Variants in ARRB1 observed in about 807,000 individuals in gnomAD.
ARRB1 encodes beta-arrestin-1.
A neutral mutation model predicts 56.8 loss-of-function variants in ARRB1; 21 were observed. The ratio of observed to expected loss-of-function variants is 0.37; its 90% confidence interval spans 0.26 to 0.53. The LOEUF (loss-of-function observed/expected upper bound fraction) is 0.53. ARRB1 is among the 20% of genes least tolerant of loss of function. The pLI is 0.88. For synonymous variants in ARRB1, 210 were observed against 218.6 expected, an observed-to-expected ratio of 0.96 and a Z score of 0.35; for missense variants, 424 against 553.7, an observed-to-expected ratio of 0.77 and a Z score of 2.35.
At position 75,277,376 on chromosome 11, in the gene ARRB1, T is replaced by C; in HGVS notation, c.691A>G (p.Ile231Val). The stretch of plus-strand genomic sequence containing the variant: ...CTGTCTGGGATACCTGAGATCTTGA[T>C]CTTCTTCACCGTCTTGTTGGTGTTG... ...TNNTNKTVKKIKISVRQYADI... is the reference protein window; with the variant it reads ...TNNTNKTVKKVKISVRQYADI... The change falls in exon 9 of 16, where the codon ATC becomes GTC. Residue 231 changes from isoleucine (I) to valine (V), a missense_variant. By Grantham distance (29) the Ile-to-Val change is conservative. Coordinates refer to ENST00000420843, the MANE Select transcript of ARRB1 (RefSeq NM_004041.5). The C allele has an allele frequency of 6.2e-7, 1 of 1,614,146 alleles. No individual in the cohort carries two copies. Among genetic ancestry groups the C allele is most frequent in the Non-Finnish European group, 8.5e-7 (1 of 1,179,972 alleles).
intron 1 of ARRB1, among the ~76,000 whole-genome samples, chr11:75,336,161 G>C (rs1947599921): frequency 6.6e-6 from 1 of 152,226 alleles, no homozygotes; most frequent in Admixed American, 6.5e-5. Flanking sequence ...GGTTGAGGAA[G>C]AAGAGGCCTC....
intron 7 of ARRB1, among the ~76,000 whole-genome samples, chr11:75,280,737 G>C (rs1356895540): frequency 5.9e-5 from 9 of 152,246 alleles, no homozygotes; most frequent in Non-Finnish European, 1.2e-4. Flanking sequence ...GAAACAGCCT[G>C]CTCACTGTTT....
chr11:75,328,869 T>C (rs1366465278), intron 1 of ARRB1, among the ~76,000 whole-genome samples: 2 of 152,148 alleles, frequency 1.3e-5, no homozygotes, highest in East Asian at 1.9e-4. Flanking sequence ...CAGAGGAAGA[T>C]GGCCCCCAGC....
In ARRB1 at chr11:75,261,252, A is replaced by G. The variant is rs573443220; in HGVS notation, c.*4911T>C. 1 of 151,918 alleles carries G rather than the reference A, an allele frequency of 6.6e-6. No homozygotes were observed. The highest frequency in any genetic ancestry group is 1.9e-4 in the East Asian group (1 of 5,146). The allele number at this position is 151,918 out of a possible 1,614,324, so 9.4% of individuals were successfully genotyped here. A position where few individuals can be genotyped will look rare whatever the true frequency, so the allele number is the denominator to read the frequency against. ...TGCTTGTGCCTGGGTCTGTGACCCA[A>G]GTTCCAACACAAAGACACTTTGTAC... On this transcript the variant is annotated 3_prime_UTR_variant, in exon 16 of 16. Coordinates refer to ENST00000420843, the MANE Select transcript of ARRB1 (RefSeq NM_004041.5).
At chr11:75,290,105 C>T in intron 1 of ARRB1, 66 bp from the exon 2 acceptor site, 2 of 1,603,268 alleles carry the variant, frequency 1.2e-6, no homozygotes, top group South Asian at 1.1e-5. Context: ...CTCCTGCGGG[C>T]CACCTTGAGG....
intron 6 of ARRB1, among the ~76,000 whole-genome samples, chr11:75,281,446 C>T (rs1389090496): frequency 6.6e-6 from 1 of 152,192 alleles, no homozygotes; most frequent in South Asian, 2.1e-4. Context: ...GCAACAGGCA[C>T]CTGAGCAGAC....
chr11:75,292,470 G>A (rs1344651071), intron 1 of ARRB1, among the ~76,000 whole-genome samples: 2 of 152,152 alleles, frequency 1.3e-5, no homozygotes, highest in African/African-American at 4.8e-5. Context: ...TTAGTGTTCA[G>A]AGTGTGAAGA....
chr11:75,286,433 A>AT (rs35807702), intron 3 of ARRB1, among the ~76,000 whole-genome samples: 5,610 of 146,632 alleles, frequency 0.038, 385 homozygotes, highest in African/African-American at 0.13. Context: ...ATGCTCGGCT[A>AT]TTTTTTTTTT....
At chr11:75,333,200 C>A (rs1216234216) in intron 1 of ARRB1, among the ~76,000 whole-genome samples, 1 of 152,184 alleles carries the variant, frequency 6.6e-6, no homozygotes, top group African/African-American at 2.4e-5. Flanking sequence ...GTGCTAAGTG[C>A]TCTGAAGAAA....
At chr11:75,322,502 T>C (rs1947363205) in intron 1 of ARRB1, among the ~76,000 whole-genome samples, 2 of 152,016 alleles carry the variant, frequency 1.3e-5, no homozygotes, top group South Asian at 4.1e-4. Context: ...CAAGACTCCA[T>C]CTCAAAAAAC....
intron 1 of ARRB1, among the ~76,000 whole-genome samples, chr11:75,346,734 G>A (rs1340312684): frequency 1.3e-5 from 2 of 152,098 alleles, no homozygotes; most frequent in Non-Finnish European, 1.5e-5. Flanking sequence ...TCCATACCCA[G>A]GCACTGGTGC....
chr11:75,327,165 A>ATG lies in ARRB1; in HGVS notation c.20+24422_20+24423insCA, dbSNP rs1947449490. ...AAAATACAAAAAATTAGCTGGGCGC[A>ATG]GTGGCGGGTGCCTGTAGTCCCAGCT... is the stretch of plus-strand genomic sequence containing the variant. On this transcript the variant is annotated intron_variant, in intron 1 of 15. Coordinates refer to ENST00000420843, the MANE Select transcript of ARRB1 (RefSeq NM_004041.5). Among the ~76,000 whole-genome samples the ATG allele has an allele frequency of 4.0e-5, 6 of 150,770 alleles. No homozygotes were observed. In the South Asian group the frequency reaches 1.3e-3, roughly 32 times the overall value.
At chr11:75,320,682 C>CAA (rs1947334853) in intron 1 of ARRB1, among the ~76,000 whole-genome samples, 1 of 152,240 alleles carries the variant, frequency 6.6e-6, no homozygotes, top group East Asian at 1.9e-4. Flanking sequence ...CCAAAGCCCT[C>CAA]AGACCTGACC....
At chr11:75,280,538 C>T (rs1946307909) in intron 7 of ARRB1, among the ~76,000 whole-genome samples, 1 of 152,222 alleles carries the variant, frequency 6.6e-6, no homozygotes, top group Admixed American at 6.5e-5. Context: ...CCTGGGCTCT[C>T]TGTCTGCCCG....
chr11:75,300,060 C>T (rs1004878069), intron 1 of ARRB1, among the ~76,000 whole-genome samples: 2 of 151,748 alleles, frequency 1.3e-5, no homozygotes, highest in African/African-American at 2.4e-5. Context: ...CAAAAATTAG[C>T]CGGGTGTGGT....
rs1945814652 is a variant in ARRB1 at position 75,262,394 on chromosome 11, ATAT to A, written c.*3766_*3768del. ...GCTGGGACCACTATTTTTGGGCATG[ATAT>A]TCCTGAATTGTATCTAAATTTCCCT... On this transcript the variant is annotated 3_prime_UTR_variant, in exon 16 of 16. Transcript: ENST00000420843. 2 of 152,206 alleles carry A rather than the reference ATAT, an allele frequency of 1.3e-5. No homozygotes were observed. The highest frequency in any genetic ancestry group is 1.3e-4 in the Admixed American group (2 of 15,284). 9.4% of individuals were successfully genotyped at this position (152,206 alleles called of 1,614,324 possible).
chr11:75,337,022 T>G (rs1384573270), intron 1 of ARRB1, among the ~76,000 whole-genome samples: 2 of 152,236 alleles, frequency 1.3e-5, no homozygotes, highest in South Asian at 2.1e-4. Context: ...ATTCATTTTG[T>G]AGCTCCAGTG....
chr11:75,267,792 AC>A, intron 14 of ARRB1, 89 bp from the exon 15 acceptor site: 2 of 1,129,548 alleles, frequency 1.8e-6, no homozygotes, highest in Non-Finnish European at 1.3e-6. Context: ...CCCTGGGACA[AC>A]CAGACTAACA....
intron 1 of ARRB1, among the ~76,000 whole-genome samples, chr11:75,308,484 G>A (rs1158841053): frequency 1.3e-5 from 2 of 152,172 alleles, no homozygotes; most frequent in East Asian, 1.9e-4. Context: ...AGTAGCTCAC[G>A]CCTATAATCC....
Sources: allele counts gnomAD v4.1 joint callset (sites outside exome capture counted in the v4.1 genomes callset), GRCh38; gene constraint gnomAD v4.1.1; transcripts MANE v1.5; gene names NCBI Gene and HGNC (gene_info 2026-07-23, HGNC 2026-07-21).